The following CFAP54 variants were observed in gnomAD, a reference collection of about 807,000 sequenced individuals.
The protein encoded by CFAP54 is cilia and flagella associated protein 54.
In CFAP54, 290 loss-of-function variants were observed where a neutral mutation model predicts 370.4. The observed-to-expected ratio is 0.78, with a 90% CI of 0.71 to 0.86. CFAP54 has a LOEUF of 0.86. Among genes scored for constraint, CFAP54 ranks in the 40% least tolerant of loss-of-function variants. The probability of loss-of-function intolerance (pLI) is 0.00; values close to 1 mark genes in which losing one functional copy is unlikely to be tolerated. For missense variants in CFAP54, 3,399 were observed against 3,528.7 expected (o/e 0.96, Z 0.93); for synonymous variants, 1,206 against 1,236.5 (o/e 0.98, Z 0.52).
intron 58 of CFAP54, among the ~76,000 whole-genome samples, chr12:96,761,324 T>A (rs1409712397): frequency 1.3e-5 from 2 of 152,206 alleles, no homozygotes; most frequent in African/African-American, 4.8e-5. Flanking sequence ...TGTCTTTTTT[T>A]ATCATTAGCT....
chr12:96,736,348 A>AG lies in CFAP54; in HGVS notation c.6966-3607dup, dbSNP rs1481726079. ...ATTTACCAGAGAGAGAGAGAGCACA[A>AG]GACTGTCTCTTGCTTCAGGTTCAGA... On this transcript the variant is annotated intron_variant, in intron 50 of 67. Transcript: ENST00000524981. Among the ~76,000 whole-genome samples the AG allele has an allele frequency of 2.6e-5, 4 of 152,296 alleles. No individual in the cohort carries two copies. The East Asian group carries it at 7.7e-4, about 29-fold the overall frequency.
chr12:96,684,543 A>C, intron 40 of CFAP54, 105 bp from the exon 41 acceptor site: 1 of 848,434 alleles, frequency 1.2e-6, no homozygotes, highest in Non-Finnish European at 1.9e-6. Context: ...TGCTTATTGC[A>C]ATCTACACAG....
intron 20 of CFAP54, among the ~76,000 whole-genome samples, chr12:96,578,617 A>G (rs1378493035): frequency 6.6e-6 from 1 of 152,182 alleles, no homozygotes; most frequent in Non-Finnish European, 1.5e-5. Flanking sequence ...TTTGGCCTAT[A>G]GTTTTAGGAC....
At chr12:96,646,446 CAAG>C (rs1220934638) in intron 33 of CFAP54, 1 of 152,146 alleles carries the variant, frequency 6.6e-6, no homozygotes, top group Admixed American at 6.5e-5. Context: ...AGTCAGGAAA[CAAG>C]AGGTGCTGGA....
intron 66 of CFAP54, among the ~76,000 whole-genome samples, chr12:96,859,315 T>G (rs918994927): frequency 1.3e-5 from 2 of 152,168 alleles, no homozygotes; most frequent in African/African-American, 4.8e-5. Flanking sequence ...GATCAAACAT[T>G]TTACCCAGTT....
chr12:96,681,998 G>A (rs554419972), intron 40 of CFAP54: 1 of 209,660 alleles, frequency 4.8e-6, no homozygotes, highest in East Asian at 1.8e-4. Context: ...TAAGGAAATA[G>A]TGTCCCTCAA....
At chr12:96,861,468 T>C (rs752986727) in intron 67 of CFAP54, among the ~76,000 whole-genome samples, 10 of 151,914 alleles carry the variant, frequency 6.6e-5, no homozygotes, top group African/African-American at 9.7e-5. Flanking sequence ...AACCCCGACA[T>C]GTGGTAATTT....
At chr12:96,510,993 G>A (rs1340490923) in intron 4 of CFAP54, among the ~76,000 whole-genome samples, 1 of 149,538 alleles carries the variant, frequency 6.7e-6, no homozygotes, top group African/African-American at 2.5e-5. Flanking sequence ...AAATGAAAAA[G>A]ATGAAGAGTA....
chr12:96,700,366 G>A (rs947670364), intron 46 of CFAP54, among the ~76,000 whole-genome samples: 1 of 152,068 alleles, frequency 6.6e-6, no homozygotes, highest in South Asian at 2.1e-4. Context: ...GTTACCATGG[G>A]CAGTCTCACT....
intron 65 of CFAP54, among the ~76,000 whole-genome samples, chr12:96,818,621 C>T (rs1242211576): frequency 5.9e-5 from 9 of 152,374 alleles, no homozygotes; most frequent in African/African-American, 1.9e-4. Flanking sequence ...GTCATGCAGT[C>T]ATCTGGCACA....
chr12:96,623,003 G>A (rs1956516493), intron 27 of CFAP54, among the ~76,000 whole-genome samples: 1 of 151,968 alleles, frequency 6.6e-6, no homozygotes, highest in South Asian at 2.1e-4. Flanking sequence ...GCCCCTTTAT[G>A]TCACCCAGGC....
At chr12:96,571,525 A>G (rs976971304) in intron 19 of CFAP54, among the ~76,000 whole-genome samples, 2 of 152,158 alleles carry the variant, frequency 1.3e-5, no homozygotes, top group African/African-American at 4.8e-5. Flanking sequence ...ATGTGAGGAT[A>G]TAGTTATTTT....
In CFAP54 at chr12:96,591,016, G is replaced by A. The variant is rs74418373; in HGVS notation, c.3212+1453G>A. ...CGACTGTTTAACAGAAAAGACAGAA[G>A]GCCGGAATTGAACCCTAGGCATTGC... is the stretch of plus-strand genomic sequence containing the variant. On this transcript the variant is annotated intron_variant, in intron 23 of 67. Transcript: ENST00000524981. 6.7e-3 allele frequency among the ~76,000 whole-genome samples: 1,027 copies of A among 152,248 alleles called. 8 individuals are homozygous for A. Among genetic ancestry groups the A allele is most frequent in the Middle Eastern group, 0.034 (10 of 294 alleles).
intron 20 of CFAP54, among the ~76,000 whole-genome samples, chr12:96,579,770 T>C (rs1956013891): frequency 6.6e-6 from 1 of 152,156 alleles, no homozygotes; most frequent in South Asian, 2.1e-4. Context: ...ATCTTCATTA[T>C]CTTGACACCT....
At chr12:96,832,628 A>G (rs1230133553) in intron 66 of CFAP54, among the ~76,000 whole-genome samples, 1 of 152,164 alleles carries the variant, frequency 6.6e-6, no homozygotes, top group Non-Finnish European at 1.5e-5. Context: ...TTTACCCTCC[A>G]TGTGTGAATT....
intron 55 of CFAP54, among the ~76,000 whole-genome samples, chr12:96,745,880 A>G (rs1461616462): frequency 2.0e-5 from 3 of 152,226 alleles, no homozygotes; most frequent in Non-Finnish European, 2.9e-5. Context: ...TTCCTTCACA[A>G]TACTCTAGTT....
chr12:96,869,577 T>G (rs1369805541), intron 67 of CFAP54, among the ~76,000 whole-genome samples: 2 of 152,128 alleles, frequency 1.3e-5, no homozygotes, highest in African/African-American at 2.4e-5. Flanking sequence ...TTGAGGAAAA[T>G]TAATTTCTCT....
intron 13 of CFAP54, among the ~76,000 whole-genome samples, chr12:96,540,434 T>C (rs1464133003): frequency 1.3e-5 from 2 of 152,134 alleles, no homozygotes; most frequent in African/African-American, 4.8e-5. Flanking sequence ...ATATGGAGCC[T>C]GAAACACCTG....
chr12:96,742,457 G>A lies in CFAP54; in HGVS notation c.7090G>A (p.Asp2364Asn), dbSNP rs1428639660. The change falls in exon 52 of 68, where the codon GAC (aspartate) becomes AAC (asparagine). Residue 2364 changes from aspartate to asparagine, a missense_variant. By Grantham distance (23) the Asp-to-Asn change is conservative. Coordinates refer to ENST00000524981, the MANE Select transcript of CFAP54 (RefSeq NM_001306084.2). ...PGTSVTENKD[D>N]SEFLDPISLN... ...TGTTTAGGTCACTGAAAATAAAGAT[G>A]ACAGTGAGTTTTTAGATCCTATTTC... 2 of 1,583,394 alleles carry A rather than the reference G, an allele frequency of 1.3e-6. No homozygotes were observed. The highest frequency in any genetic ancestry group is 1.4e-5 in the African/African-American group (1 of 73,802).
Sources: gnomAD v4.1 joint callset for allele counts (sites outside exome capture counted in the v4.1 genomes callset) on GRCh38, gnomAD v4.1.1 for gene constraint, MANE v1.5 for transcripts, NCBI Gene and HGNC (gene_info 2026-07-23, HGNC 2026-07-21) for gene names.